CCDC30: variants seen among roughly 807,000 people sequenced by gnomAD.
The protein encoded by CCDC30 is coiled-coil domain-containing protein 30.
In CCDC30, 70 loss-of-function variants were observed where a neutral mutation model predicts 100.2. That is an observed-to-expected ratio of 0.70 (90% confidence interval 0.58 to 0.85). CCDC30 has a LOEUF of 0.85. CCDC30 is among the 40% of genes least tolerant of loss of function. The pLI, the probability that CCDC30 is intolerant of heterozygous loss-of-function variation, is 0.00. For synonymous variants in CCDC30, 233 were observed against 269.5 expected, an observed-to-expected ratio of 0.86 and a Z score of 1.33; for missense variants, 652 against 771.2, an observed-to-expected ratio of 0.85 and a Z score of 1.83.
chr1:42,600,544 T>A (rs866797379), intron 10 of CCDC30, among the ~76,000 whole-genome samples: 1 of 152,310 alleles, frequency 6.6e-6, no homozygotes, highest in Middle Eastern at 3.4e-3. Context: ...GACCACATTC[T>A]GGGCCATAAA....
exon 1 of CCDC30, chr1:42,463,395 G>A: frequency 6.6e-6 from 1 of 152,330 alleles, no homozygotes; most frequent in South Asian, 2.1e-4. Flanking sequence ...TTCCGACTTG[G>A]TTCTTGAGGT....
chr1:42,532,133 A>C (rs2148515032), intron 6 of CCDC30, among the ~76,000 whole-genome samples: 1 of 152,276 alleles, frequency 6.6e-6, no homozygotes, highest in Admixed American at 6.5e-5. Flanking sequence ...CTCTTAAAAA[A>C]CAAACAAAAA....
chr1:42,577,428 T>A (rs1645862857), intron 8 of CCDC30, among the ~76,000 whole-genome samples, 199 bp downstream of exon 12: 1 of 152,208 alleles, frequency 6.6e-6, no homozygotes, highest in African/African-American at 2.4e-5. Flanking sequence ...AAAAACTTCA[T>A]GGGCTTAAAA....
chr1:42,542,516 CA>C (rs1645031319), intron 6 of CCDC30, among the ~76,000 whole-genome samples: 1 of 150,510 alleles, frequency 6.6e-6, no homozygotes, highest in Non-Finnish European at 1.5e-5. Flanking sequence ...CATGGCACCA[CA>C]CCTGGCTAAT....
chr1:42,610,989 CA>C lies in CCDC30; in HGVS notation c.1178del (p.Asn393ThrfsTer26), dbSNP rs1474853136. Reference sequence around the variant, plus strand: ...TCAATGTTTTTCAGCATGTCAAAAGCAACCAGGAATTGTCAGAGAAGCTATC... The same window carrying C: ...TCAATGTTTTTCAGCATGTCAAAAGCACCAGGAATTGTCAGAGAAGCTATC... On this transcript the variant is annotated frameshift_variant, in exon 11 of 17. Transcript: ENST00000668663. LOFTEE classifies it high-confidence loss of function. 6.3e-7 allele frequency: 1 copy of C among 1,599,570 alleles called. No individual in the cohort carries two copies. The highest frequency in any genetic ancestry group is 8.6e-7 in the Non-Finnish European group (1 of 1,168,172).
chr1:42,539,145 C>A, intron 6 of CCDC30, 28 bp from the exon 8 acceptor site: 2 of 1,498,708 alleles, frequency 1.3e-6, no homozygotes, highest in African/African-American at 1.4e-5. Context: ...TTATTTTATT[C>A]TACTAAATGT....
Position 42,499,060 on chromosome 1 carries a change from G to T in CCDC30, c.456+144G>T, listed in dbSNP as rs1273733978. 7.3e-6 allele frequency: 3 copies of T among 410,482 alleles called. No individual in the cohort carries two copies. The Admixed American group carries it at 1.3e-4, about 18-fold the overall frequency. 25.4% of individuals were successfully genotyped at this position (410,482 alleles called of 1,614,324 possible). A position where few individuals can be genotyped will look rare whatever the true frequency, so the allele number is the denominator to read the frequency against. ...TTCTAATGCTCAGCTAATTAGAGTGGAAGAGGAAAGAGGGCTACAGAGGAT... is the reference window on the plus strand; with the variant it reads ...TTCTAATGCTCAGCTAATTAGAGTGTAAGAGGAAAGAGGGCTACAGAGGAT... On this transcript the variant is annotated intron_variant, in intron 6 of 16. Coordinates refer to ENST00000668663, the Ensembl canonical transcript of CCDC30.
At chr1:42,487,281 G>A (rs1473953168) in intron 3 of CCDC30, among the ~76,000 whole-genome samples, 1 of 152,064 alleles carries the variant, frequency 6.6e-6, no homozygotes, top group African/African-American at 2.4e-5. Flanking sequence ...CCATTGAATT[G>A]TCCACTTGAA....
the CCDC30 span, chr1:42,457,092 C>T: frequency 6.3e-6 from 10 of 1,579,014 alleles, no homozygotes; most frequent in Admixed American, 8.7e-5. Flanking sequence ...CCTAGGAGTA[C>T]CCCTTTTGCC....
At chr1:42,474,717 G>A (rs1205899486) in intron 1 of CCDC30, among the ~76,000 whole-genome samples, 2 of 152,124 alleles carry the variant, frequency 1.3e-5, no homozygotes, top group African/African-American at 4.8e-5. Context: ...ATGTGACAAG[G>A]CAAGTCTCTT....
At chr1:42,604,464 A>G (rs1376813998) in intron 10 of CCDC30, among the ~76,000 whole-genome samples, 1 of 152,204 alleles carries the variant, frequency 6.6e-6, no homozygotes, top group Non-Finnish European at 1.5e-5. Context: ...TATACATTCA[A>G]GAATTAGGGA....
At chr1:42,582,212 A>G (rs1401189686) in intron 9 of CCDC30, among the ~76,000 whole-genome samples, 1 of 152,196 alleles carries the variant, frequency 6.6e-6, no homozygotes, top group African/African-American at 2.4e-5. Context: ...ACTGGGTGGC[A>G]GAATGAGACC....
At chr1:42,560,508 T>C (rs1485681364) in intron 6 of CCDC30, among the ~76,000 whole-genome samples, 1 of 152,092 alleles carries the variant, frequency 6.6e-6, no homozygotes, top group Non-Finnish European at 1.5e-5. Context: ...TAGCTGGGAT[T>C]ACAGGCACGC....
intron 9 of CCDC30, among the ~76,000 whole-genome samples, chr1:42,583,379 A>T (rs941665481): frequency 9.9e-5 from 15 of 152,244 alleles, no homozygotes; most frequent in Admixed American, 9.2e-4. Flanking sequence ...AACTAAGTGT[A>T]GGAAAATAAA....
chr1:42,649,326 C>T (rs1054946408), intron 15 of CCDC30, among the ~76,000 whole-genome samples: 1 of 152,130 alleles, frequency 6.6e-6, no homozygotes, highest in African/African-American at 2.4e-5. Flanking sequence ...TGATACACCA[C>T]ATTAATAGAA....
intron 12 of CCDC30, among the ~76,000 whole-genome samples, chr1:42,637,908 A>G (rs1647190750): frequency 6.6e-6 from 1 of 152,228 alleles, no homozygotes; most frequent in Non-Finnish European, 1.5e-5. Context: ...TTATTAAACT[A>G]TATAAATTCA....
chr1:42,553,781 T>C (rs1355604133), intron 6 of CCDC30, among the ~76,000 whole-genome samples: 1 of 152,038 alleles, frequency 6.6e-6, no homozygotes, highest in Non-Finnish European at 1.5e-5. Flanking sequence ...TGATGGAAAA[T>C]TTCATTGTTG....
chr1:42,561,526 A>T (rs992942717), intron 6 of CCDC30, among the ~76,000 whole-genome samples: 1 of 152,224 alleles, frequency 6.6e-6, no homozygotes, highest in Admixed American at 6.5e-5. Flanking sequence ...AGCTGGAAGC[A>T]TTCCCTTTGA....
At chr1:42,588,328 G>A (rs367841948) in intron 9 of CCDC30, among the ~76,000 whole-genome samples, 5 of 152,242 alleles carry the variant, frequency 3.3e-5, no homozygotes, top group African/African-American at 1.2e-4. Context: ...CTCCCCTTCT[G>A]AAGGTTTTCT....
Sources: allele counts gnomAD v4.1 joint callset (sites outside exome capture counted in the v4.1 genomes callset), GRCh38; gene constraint gnomAD v4.1.1; transcripts MANE v1.5; gene names NCBI Gene and HGNC (gene_info 2026-07-23, HGNC 2026-07-21).